The following BLM variants were observed in gnomAD, a reference collection of about 807,000 sequenced individuals.
The protein encoded by BLM is BLM RecQ like helicase.
Under a neutral mutation model 135.3 loss-of-function variants are expected in BLM, and 95 were observed. The observed-to-expected ratio is 0.70, with a 90% CI of 0.59 to 0.83. The LOEUF is 0.83. BLM is among the 40% of genes least tolerant of loss of function. BLM has a pLI of 0.00. For missense variants in BLM, 1,518 were observed against 1,663.9 expected (o/e 0.91, Z 1.53); for synonymous variants, 520 against 589.2 (o/e 0.88, Z 1.70).
chr15:90,812,350 A>G (rs777175707), intron 21 of BLM, among the ~76,000 whole-genome samples: 5 of 152,074 alleles, frequency 3.3e-5, no homozygotes, highest in Non-Finnish European at 1.5e-5. Context: ...TCCCCTTCCC[A>G]TGTTTTCCTG....
intron 16 of BLM, among the ~76,000 whole-genome samples, chr15:90,797,816 G>T (rs1164827609): frequency 6.6e-6 from 1 of 152,176 alleles, no homozygotes; most frequent in African/African-American, 2.4e-5. Context: ...ACCCCAGAGG[G>T]GTTAGAATCC....
At chr15:90,718,948 G>GT (rs1489102616) in intron 1 of BLM, among the ~76,000 whole-genome samples, 2 of 152,068 alleles carry the variant, frequency 1.3e-5, no homozygotes, top group Admixed American at 1.3e-4. Flanking sequence ...ATTTTTATCT[G>GT]TTTTTTCCTT....
chr15:90,803,405 T>G, intron 17 of BLM, 116 bp from the exon 18 acceptor site: 1 of 868,074 alleles, frequency 1.2e-6, no homozygotes, highest in Non-Finnish European at 1.9e-6. Context: ...TGTGCCGGGG[T>G]TTGTGATCTA....
At chr15:90,763,428 G>T (rs1483069458) in intron 8 of BLM, among the ~76,000 whole-genome samples, 2 of 152,062 alleles carry the variant, frequency 1.3e-5, no homozygotes, top group Non-Finnish European at 2.9e-5. Flanking sequence ...CTTTTTTCTA[G>T]TCTAAGCAGT....
chr15:90,766,876 T>G (rs368301079), intron 9 of BLM, 34 bp from the exon 10 acceptor site: 17 of 1,379,474 alleles, frequency 1.2e-5, no homozygotes, highest in Non-Finnish European at 1.6e-5. Context: ...GGTTAATGTA[T>G]AAAATTGAAA....
intron 1 of BLM, among the ~76,000 whole-genome samples, chr15:90,731,185 T>A (rs572193335): frequency 6.6e-6 from 1 of 152,202 alleles, no homozygotes; most frequent in Non-Finnish European, 1.5e-5. Flanking sequence ...GCAATCCTCC[T>A]GCCTTGGCCT....
rs577954732 is a variant in BLM at position 90,726,973 on chromosome 15, G to A, written c.-5+9533G>A. Among the ~76,000 whole-genome samples, 17 of 152,228 alleles carry A rather than the reference G, an allele frequency of 1.1e-4. No individual in the cohort carries two copies. In the South Asian group the frequency reaches 2.3e-3, roughly 20 times the overall value. ...AGTAGTGGGTTTGCTGAATCATATG[G>A]TAGGTCTATTTGTAGTTATTTGAGG... On this transcript the variant is annotated intron_variant, in intron 1 of 21. Transcript: ENST00000355112.
In BLM at chr15:90,765,340, C is replaced by T. The variant is rs146077918; in HGVS notation, c.2119C>T (p.Pro707Ser). ...LCYQLPACVS[P>S]GVTVVISPLR... ...TTACCAGCTCCCTGCCTGTGTTTCT[C>T]CTGGGGTCACTGTTGTCATTTCTCC... is the stretch of plus-strand genomic sequence containing the variant. Residue 707 changes from proline to serine, a missense_variant, in exon 9 of 22, where the codon CCT (proline) becomes TCT (serine). By Grantham distance (74) the Pro-to-Ser change is moderately conservative. This residue lies in a region of BLM where 626 missense variants were observed against 681.1 expected (regional missense o/e 0.92). Transcript: ENST00000355112. 3,196 of 1,613,900 alleles carry T rather than the reference C, an allele frequency of 2.0e-3. 6 individuals carry two copies. Among genetic ancestry groups the T allele is most frequent in the Non-Finnish European group, 2.3e-3 (2,716 of 1,179,820 alleles).
chr15:90,805,915 G>T (rs529223545), intron 19 of BLM, among the ~76,000 whole-genome samples: 3 of 152,002 alleles, frequency 2.0e-5, no homozygotes. Context: ...GCTGTGTTAT[G>T]TACAAATATC....
At position 90,769,536 on chromosome 15, in the gene BLM, CAG is replaced by C. The variant is rs367543024; in HGVS notation, c.2506_2507del (p.Arg836GlyfsTer18). On this transcript the variant is annotated frameshift_variant, in exon 12 of 22. Coordinates refer to ENST00000355112, the MANE Select transcript of BLM (RefSeq NM_000057.4). LOFTEE classifies it high-confidence loss of function. The part of the protein sequence containing the change: ...VMALTATANP[R>X]VQKDILTQLK... ...TGGCTCTTACGGCCACAGCTAATCCCAGGGTACAGAAGGACATCCTGACTCAG... is the reference window on the plus strand; with the variant it reads ...TGGCTCTTACGGCCACAGCTAATCCCGGTACAGAAGGACATCCTGACTCAG... 23 of 1,613,922 alleles carry C rather than the reference CAG, an allele frequency of 1.4e-5. No homozygotes were observed. In the Admixed American group the frequency reaches 3.7e-4, roughly 26 times the overall value.
At chr15:90,757,400 T>G (rs1337658862) in intron 5 of BLM, among the ~76,000 whole-genome samples, 2 of 152,202 alleles carry the variant, frequency 1.3e-5, no homozygotes, top group South Asian at 4.1e-4. Context: ...CTCTGATAGC[T>G]AGGTACCCCC....
chr15:90,742,619 AG>A (rs1162702281), intron 1 of BLM, among the ~76,000 whole-genome samples: 4 of 150,050 alleles, frequency 2.7e-5, no homozygotes, highest in Admixed American at 2.0e-4. Context: ...TTTTTTTTAA[AG>A]GTTTATTGTG....
At chr15:90,769,646 CAT>C (rs778075044) in intron 12 of BLM, 60 bp downstream of exon 12, 69 of 1,567,036 alleles carry the variant, frequency 4.4e-5, no homozygotes, top group Non-Finnish European at 4.4e-5. Flanking sequence ...AGAGCTGCTA[CAT>C]GTTAGAATCA....
chr15:90,814,157 T>G (rs902582606), intron 21 of BLM, among the ~76,000 whole-genome samples: 3 of 152,180 alleles, frequency 2.0e-5, no homozygotes, highest in African/African-American at 7.2e-5. Flanking sequence ...TGGAGCTCCA[T>G]CAGAATGTCA....
chr15:90,762,915 C>T, intron 7 of BLM, 51 bp from the exon 8 acceptor site: 1 of 1,527,098 alleles, frequency 6.5e-7, no homozygotes, highest in Non-Finnish European at 9.0e-7. Flanking sequence ...TAAAGCTGTA[C>T]TTTCACTGTA....
rs148078150 is a variant in BLM at position 90,763,153 on chromosome 15, G to T, written c.2070G>T (p.Pro690=). 3.7e-6 allele frequency: 6 copies of T among 1,613,740 alleles called. No individual in the cohort carries two copies. The highest frequency in any genetic ancestry group is 4.5e-5 in the East Asian group (2 of 44,874). The change falls in exon 8 of 22, where the codon CCG becomes CCT. Residue 690 remains proline, a synonymous_variant. Coordinates refer to ENST00000355112, the MANE Select transcript of BLM (RefSeq NM_000057.4). ...LLGEDCFILM[P]TGGGKSLCYQ... ...GTGAAGACTGTTTTATCCTGATGCCGACTGGTATGTATTTTTAGAAGTGAA... is the reference window on the plus strand; with the variant it reads ...GTGAAGACTGTTTTATCCTGATGCCTACTGGTATGTATTTTTAGAAGTGAA...
At chr15:90,723,168 C>G (rs1394218889) in intron 1 of BLM, among the ~76,000 whole-genome samples, 10 of 151,914 alleles carry the variant, frequency 6.6e-5, no homozygotes, top group Admixed American at 6.6e-4. Context: ...TGTGATAATG[C>G]TTTTCTTGTC....
rs78179989 is a variant in BLM at position 90,726,519 on chromosome 15, C to T, written c.-5+9079C>T. On this transcript the variant is annotated intron_variant, in intron 1 of 21. Transcript: ENST00000355112. The stretch of plus-strand genomic sequence containing the variant: ...CTGACCTCAGGTGATCCACCCACCT[C>T]GGCCTCCCAAAGTGCTGGGATTACA... Among the ~76,000 whole-genome samples the T allele has an allele frequency of 2.3e-3, 352 of 152,306 alleles. 1 individual carries two copies. The highest frequency in any genetic ancestry group is 8.0e-3 in the African/African-American group (334 of 41,576).
At chr15:90,809,759 G>A (rs1416906158) in intron 20 of BLM, among the ~76,000 whole-genome samples, 1 of 152,204 alleles carries the variant, frequency 6.6e-6, no homozygotes, top group Non-Finnish European at 1.5e-5. Context: ...CTGCCTGAGT[G>A]CATCATTATC....
Sources: allele counts gnomAD v4.1 joint callset (sites outside exome capture counted in the v4.1 genomes callset), GRCh38; gene constraint gnomAD v4.1.1; regional missense constraint gnomAD v4.1.1; transcripts MANE v1.5; gene names NCBI Gene and HGNC (gene_info 2026-07-23, HGNC 2026-07-21).